ANO6: variants seen among roughly 807,000 people sequenced by gnomAD.
ANO6 encodes anoctamin-6.
ANO6 carries 106 observed loss-of-function variants against 117.5 expected under a neutral mutation model. That is an observed-to-expected ratio of 0.90 (90% CI 0.77 to 1.06). ANO6 has a LOEUF of 1.06. Among genes scored for constraint, ANO6 ranks in the 50% least tolerant of loss-of-function variants. The probability of loss-of-function intolerance (pLI) is 0.00; values close to 1 mark genes in which losing one functional copy is unlikely to be tolerated. For missense variants in ANO6, 955 were observed against 1,121.1 expected, an observed-to-expected ratio of 0.85 and a Z score of 2.12; for synonymous variants, 367 against 385.1, an observed-to-expected ratio of 0.95 and a Z score of 0.55.
At chr12:45,332,541 A>G (rs965045997) in intron 3 of ANO6, among the ~76,000 whole-genome samples, 4 of 152,052 alleles carry the variant, frequency 2.6e-5, no homozygotes, top group African/African-American at 9.7e-5. Context: ...GACTTTGGAA[A>G]CTGACCTTCA....
At chr12:45,384,791 C>T (rs7305478) in intron 10 of ANO6, among the ~76,000 whole-genome samples, 7 of 152,082 alleles carry the variant, frequency 4.6e-5, no homozygotes, top group Admixed American at 1.3e-4. Flanking sequence ...TAAAATGTGA[C>T]ACAAAGTGGG....
intron 12 of ANO6, among the ~76,000 whole-genome samples, chr12:45,395,943 G>T (rs1180441444): frequency 6.6e-6 from 1 of 152,172 alleles, no homozygotes; most frequent in African/African-American, 2.4e-5. Flanking sequence ...AGACAAGGAT[G>T]CCCTCTCTCT....
chr12:45,362,696 T>C (rs1941585967), intron 8 of ANO6, among the ~76,000 whole-genome samples: 1 of 152,148 alleles, frequency 6.6e-6, no homozygotes, highest in Non-Finnish European at 1.5e-5. Context: ...TCTTTATCTT[T>C]TTTTAGTGGC....
At position 45,335,163 on chromosome 12, in the gene ANO6, C is replaced by T. The variant is rs563230369; in HGVS notation, c.279+3740C>T. 3.3e-5 allele frequency among the ~76,000 whole-genome samples: 5 copies of T among 152,032 alleles called. No homozygotes were observed. The South Asian group carries it at 1.0e-3, about 32-fold the overall frequency. On this transcript the variant is annotated intron_variant, in intron 3 of 19. Coordinates refer to ENST00000320560, the MANE Select transcript of ANO6 (RefSeq NM_001025356.3). ...GTATATATTTGTATTTCATATCTGA[C>T]CTTAAGAATTCTTTAGTGTATGGCA...
chr12:45,309,564 A>C (rs181961320), intron 2 of ANO6, among the ~76,000 whole-genome samples: 50 of 148,684 alleles, frequency 3.4e-4, no homozygotes, highest in African/African-American at 1.0e-3. Flanking sequence ...ATCTATTTTC[A>C]CCTTTTTTTT....
intron 2 of ANO6, among the ~76,000 whole-genome samples, chr12:45,314,419 G>A (rs981629921): frequency 3.5e-5 from 5 of 141,540 alleles, no homozygotes; most frequent in African/African-American, 1.3e-4. Context: ...AACCAGCCTG[G>A]GCAACATAAT....
intron 2 of ANO6, among the ~76,000 whole-genome samples, chr12:45,310,273 C>G (rs1939806665): frequency 6.6e-6 from 1 of 152,062 alleles, no homozygotes; most frequent in African/African-American, 2.4e-5. Flanking sequence ...TGGGCCCAGC[C>G]AGACAAGACC....
At chr12:45,280,716 A>G (rs775451425) in intron 1 of ANO6, among the ~76,000 whole-genome samples, 138 of 152,218 alleles carry the variant, frequency 9.1e-4, no homozygotes, top group Non-Finnish European at 2.1e-4. Flanking sequence ...GTCTTCCTCT[A>G]TTCCACACCC....
At chr12:45,417,642 C>T (rs1943248402) in intron 17 of ANO6, among the ~76,000 whole-genome samples, 1 of 152,184 alleles carries the variant, frequency 6.6e-6, no homozygotes, top group African/African-American at 2.4e-5. Context: ...AATTTTCATG[C>T]CAGCCCATTA....
In ANO6 at chr12:45,348,120, G is replaced by A. The variant is rs1211077897; in HGVS notation, c.438G>A (p.Leu146=). The change falls in exon 5 of 20, where the codon CTG becomes CTA. Residue 146 remains leucine, a synonymous_variant. Transcript: ENST00000320560. Reference sequence around the variant, plus strand: ...AGATAATGCACATCAAATTGCCTCTGAAACCCAATGATCTGAAAAACCGGT... The same window carrying A: ...AGATAATGCACATCAAATTGCCTCTAAAACCCAATGATCTGAAAAACCGGT... ...YAEIMHIKLP[L]KPNDLKNRSS... 1 of 1,613,966 alleles carries A rather than the reference G, an allele frequency of 6.2e-7. No individual in the cohort carries two copies. The highest frequency in any genetic ancestry group is 1.3e-5 in the African/African-American group (1 of 74,910).
intron 1 of ANO6, among the ~76,000 whole-genome samples, chr12:45,252,839 A>G (rs1289049435): frequency 6.6e-6 from 1 of 152,252 alleles, no homozygotes; most frequent in Admixed American, 6.5e-5. Flanking sequence ...AAATGTAAAT[A>G]TTGGCTCCAA....
At chr12:45,352,971 T>C (rs1941320555) in intron 7 of ANO6, among the ~76,000 whole-genome samples, 1 of 147,322 alleles carries the variant, frequency 6.8e-6, no homozygotes, top group South Asian at 2.1e-4. Flanking sequence ...TTCTCTCCTG[T>C]GGTGTTGTTG....
intron 8 of ANO6, among the ~76,000 whole-genome samples, chr12:45,359,169 G>A (rs539316259): frequency 2.0e-5 from 3 of 152,102 alleles, no homozygotes; most frequent in African/African-American, 4.8e-5. Context: ...CACAATTTAG[G>A]TGTACCCCTT....
At chr12:45,246,477 G>T (rs1161405926) in intron 1 of ANO6, among the ~76,000 whole-genome samples, 2 of 152,196 alleles carry the variant, frequency 1.3e-5, no homozygotes, top group Non-Finnish European at 2.9e-5. Context: ...AGCTGAAGTT[G>T]CTGGGCTTTG....
chr12:45,292,918 A>G, intron 1 of ANO6: 1 of 1,551,318 alleles, frequency 6.4e-7, no homozygotes, highest in Non-Finnish European at 8.7e-7. Flanking sequence ...TCTGCTGTGG[A>G]ATGTTTTGTG....
chr12:45,372,260 G>A (rs2137523896), intron 9 of ANO6, among the ~76,000 whole-genome samples: 1 of 145,044 alleles, frequency 6.9e-6, no homozygotes, highest in South Asian at 2.3e-4. Flanking sequence ...GTGATGGGGA[G>A]AATGGAACCA....
chr12:45,222,594 C>T (rs975681676), intron 1 of ANO6, among the ~76,000 whole-genome samples: 1 of 152,162 alleles, frequency 6.6e-6, no homozygotes, highest in African/African-American at 2.4e-5. Context: ...TGTTGGGGTG[C>T]TTTAGGCCTC....
At position 45,347,016 on chromosome 12, in the gene ANO6, T is replaced by A; in HGVS notation, c.280-6T>A. 6.2e-7 allele frequency: 1 copy of A among 1,614,000 alleles called. No homozygotes were observed. Among genetic ancestry groups the A allele is most frequent in the South Asian group, 1.1e-5 (1 of 91,084 alleles). On this transcript the variant is annotated splice_region_variant and splice_polypyrimidine_tract_variant and intron_variant, in intron 3 of 19. Coordinates refer to ENST00000320560, the MANE Select transcript of ANO6 (RefSeq NM_001025356.3). ...GTCTAACATATATTCCAACTTCTTT[T>A]GACAGAGGAAAAGACAAGCATACGA...
chr12:45,356,876 A>T (rs1941425663), intron 7 of ANO6, among the ~76,000 whole-genome samples: 1 of 152,230 alleles, frequency 6.6e-6, no homozygotes, highest in African/African-American at 2.4e-5. Flanking sequence ...TTCTCCAAGG[A>T]ACTTCCCTAG....
Sources: gnomAD v4.1 joint callset for allele counts (sites outside exome capture counted in the v4.1 genomes callset) on GRCh38, gnomAD v4.1.1 for gene constraint, MANE v1.5 for transcripts, NCBI Gene and HGNC (gene_info 2026-07-23, HGNC 2026-07-21) for gene names.